SYT1: variants seen among roughly 807,000 people sequenced by gnomAD.
SYT1 encodes the protein synaptotagmin 1.
SYT1 carries 8 observed loss-of-function variants against 44.8 expected under a neutral mutation model. The ratio of observed to expected loss-of-function variants is 0.18; its 90% CI spans 0.10 to 0.32. The LOEUF is 0.32. Among genes scored for constraint, SYT1 ranks in the 10% least tolerant of loss-of-function variants. The probability of loss-of-function intolerance (pLI) is 1.00; values close to 1 mark genes in which losing one functional copy is unlikely to be tolerated. For missense variants in SYT1, 286 were observed against 509.3 expected, an observed-to-expected ratio of 0.56 and a Z score of 4.22; for synonymous variants, 154 against 188.8, an observed-to-expected ratio of 0.82 and a Z score of 1.51.
At chr12:79,309,932 G>A (rs1880683584) in intron 8 of SYT1, among the ~76,000 whole-genome samples, 5 of 152,138 alleles carry the variant, frequency 3.3e-5, no homozygotes, top group Admixed American at 2.0e-4. Context: ...TGTCAGATGA[G>A]TAGGTTGCGA....
At chr12:79,383,760 A>T (rs917895921) in intron 9 of SYT1, among the ~76,000 whole-genome samples, 32 of 152,330 alleles carry the variant, frequency 2.1e-4, no homozygotes, top group Admixed American at 7.2e-4. Context: ...AAACTACAGA[A>T]GAATGTTCAC....
chr12:79,103,406 A>AT (rs1592751112), intron 3 of SYT1, among the ~76,000 whole-genome samples: 1 of 152,058 alleles, frequency 6.6e-6, no homozygotes, highest in African/African-American at 2.4e-5. Context: ...CCTAAAAGAT[A>AT]TTTTTTTCAT....
intron 3 of SYT1, among the ~76,000 whole-genome samples, chr12:79,104,985 C>T (rs1009850894): frequency 2.0e-5 from 3 of 152,104 alleles, no homozygotes; most frequent in African/African-American, 4.8e-5. Context: ...AACAAAACGG[C>T]GGTGGGACAG....
intron 1 of SYT1, among the ~76,000 whole-genome samples, chr12:78,878,973 A>C (rs986315764): frequency 6.6e-6 from 1 of 151,702 alleles, no homozygotes; most frequent in Middle Eastern, 3.2e-3. Context: ...TCTTACCAGC[A>C]ATTATCTACT....
chr12:79,411,329 G>A (rs534462288), intron 9 of SYT1, among the ~76,000 whole-genome samples: 13 of 152,106 alleles, frequency 8.5e-5, no homozygotes, highest in Non-Finnish European at 1.5e-4. Flanking sequence ...CTTACATCTC[G>A]ATGGTCATGA....
chr12:79,238,316 T>C (rs1592885093), intron 4 of SYT1, among the ~76,000 whole-genome samples: 1 of 152,108 alleles, frequency 6.6e-6, no homozygotes, highest in Non-Finnish European at 1.5e-5. Flanking sequence ...TTTTTCTTTT[T>C]GGACCATTAA....
chr12:78,997,602 C>T (rs1870462533), intron 2 of SYT1, among the ~76,000 whole-genome samples: 1 of 152,000 alleles, frequency 6.6e-6, no homozygotes, highest in South Asian at 2.1e-4. Context: ...CTTCTGCCCT[C>T]CCAGAAGCCA....
At chr12:78,957,704 A>G (rs1056494266) in intron 1 of SYT1, among the ~76,000 whole-genome samples, 1 of 152,226 alleles carries the variant, frequency 6.6e-6, no homozygotes, top group African/African-American at 2.4e-5. Context: ...TGTTATTGTT[A>G]CTGTTGTTGT....
intron 2 of SYT1, among the ~76,000 whole-genome samples, chr12:79,030,794 T>G (rs1872781908): frequency 1.3e-5 from 2 of 151,136 alleles, no homozygotes; most frequent in Non-Finnish European, 3.0e-5. Flanking sequence ...CTTTATACAC[T>G]TTTATGTTTA....
chr12:79,246,634 T>C (rs920499022), intron 4 of SYT1, among the ~76,000 whole-genome samples: 1 of 152,218 alleles, frequency 6.6e-6, no homozygotes, highest in African/African-American at 2.4e-5. Flanking sequence ...GGGCAAATAC[T>C]GTGTGAAGCC....
At chr12:79,150,200 T>C (rs995359162) in intron 3 of SYT1, among the ~76,000 whole-genome samples, 1 of 152,174 alleles carries the variant, frequency 6.6e-6, no homozygotes, top group African/African-American at 2.4e-5. Flanking sequence ...CCGTACATTA[T>C]TACTAACTGT....
chr12:78,914,502 A>T (rs570786167), intron 1 of SYT1, among the ~76,000 whole-genome samples: 5 of 61,556 alleles, frequency 8.1e-5, no homozygotes, highest in East Asian at 6.1e-4. Context: ...ATTGATGCAC[A>T]TGTTAGATAG....
intron 1 of SYT1, among the ~76,000 whole-genome samples, chr12:78,906,542 G>GTA (rs1875990743): frequency 6.6e-6 from 1 of 152,070 alleles, no homozygotes; most frequent in Admixed American, 6.6e-5. Context: ...GAAAAAGGCC[G>GTA]TAACAGCAGT....
intron 1 of SYT1, among the ~76,000 whole-genome samples, chr12:78,974,930 C>G (rs1868707499): frequency 6.6e-6 from 1 of 152,094 alleles, no homozygotes; most frequent in South Asian, 2.1e-4. Context: ...CCCTTCAGCA[C>G]AAACTCACCC....
chr12:78,968,136 T>C (rs1254076425), intron 1 of SYT1, among the ~76,000 whole-genome samples: 2 of 152,032 alleles, frequency 1.3e-5, no homozygotes, highest in African/African-American at 4.8e-5. Context: ...GAGTATATGG[T>C]TAAATAGGAT....
At chr12:79,088,179 TAG>T in intron 3 of SYT1, among the ~76,000 whole-genome samples, 1 of 152,082 alleles carries the variant, frequency 6.6e-6, no homozygotes, top group Non-Finnish European at 1.5e-5. Flanking sequence ...TTATTATTAC[TAG>T]TAACTGCTAC....
intron 3 of SYT1, among the ~76,000 whole-genome samples, chr12:79,197,456 A>G (rs935266224): frequency 1.3e-5 from 2 of 152,216 alleles, no homozygotes; most frequent in African/African-American, 4.8e-5. Flanking sequence ...ATGCAGAGCA[A>G]TGTGAGAGAC....
upstream of SYT1, chr12:78,864,433 T>A (rs951865508): frequency 6.6e-6 from 1 of 151,920 alleles, no homozygotes; most frequent in Non-Finnish European, 1.5e-5. Context: ...TGTGGGGCAT[T>A]CCTGAGTCTA....
intron 4 of SYT1, among the ~76,000 whole-genome samples, chr12:79,284,804 AC>A (rs2138825182): frequency 6.7e-6 from 1 of 149,288 alleles, no homozygotes; most frequent in Admixed American, 6.8e-5. Flanking sequence ...GTGCCACTAC[AC>A]TCCAGCCTGG....
Sources: allele counts gnomAD v4.1 joint callset (sites outside exome capture counted in the v4.1 genomes callset), GRCh38; gene constraint gnomAD v4.1.1; transcripts MANE v1.5; gene names NCBI Gene and HGNC (gene_info 2026-07-23, HGNC 2026-07-21).